Variants in CAMTA1 observed in about 807,000 individuals in gnomAD.
CAMTA1 encodes calmodulin binding transcription activator 1.
In CAMTA1, 27 loss-of-function variants were observed where a neutral mutation model predicts 170.9. That is an observed-to-expected ratio of 0.16 (90% CI 0.12 to 0.22). CAMTA1 has a LOEUF of 0.22. CAMTA1 is among the 10% of genes least tolerant of loss of function. CAMTA1 has a pLI of 1.00. For synonymous variants in CAMTA1, 833 were observed against 891.5 expected (o/e 0.93, Z 1.17); for missense variants, 1,619 against 2,217.2 (o/e 0.73, Z 5.42).
At chr1:7,317,592 C>T (rs1677717490) in intron 5 of CAMTA1, among the ~76,000 whole-genome samples, 1 of 152,200 alleles carries the variant, frequency 6.6e-6, no homozygotes, top group South Asian at 2.1e-4. Context: ...TGTCGGTGCT[C>T]TCTCAGTTGT....
intron 4 of CAMTA1, among the ~76,000 whole-genome samples, chr1:7,141,250 C>T (rs1464991401): frequency 6.6e-6 from 1 of 152,192 alleles, no homozygotes; most frequent in African/African-American, 2.4e-5. Context: ...CTCTTCCTGA[C>T]TTGCCAGGTG....
At chr1:7,141,825 A>C (rs1193776108) in intron 4 of CAMTA1, among the ~76,000 whole-genome samples, 1 of 152,218 alleles carries the variant, frequency 6.6e-6, no homozygotes, top group Non-Finnish European at 1.5e-5. Flanking sequence ...CAATGGTTAC[A>C]TGACTCCGAA....
intron 5 of CAMTA1, among the ~76,000 whole-genome samples, chr1:7,452,622 T>C (rs891365583): frequency 6.6e-6 from 1 of 152,184 alleles, no homozygotes; most frequent in Non-Finnish European, 1.5e-5. Context: ...AATCATACAA[T>C]GTGTGGCCTT....
At chr1:6,913,151 G>T (rs996656127) in intron 3 of CAMTA1, among the ~76,000 whole-genome samples, 1 of 152,204 alleles carries the variant, frequency 6.6e-6, no homozygotes, top group African/African-American at 2.4e-5. Context: ...GGGGACAAAA[G>T]GATGTGGAGG....
intron 1 of CAMTA1, among the ~76,000 whole-genome samples, chr1:6,804,045 A>G (rs1256951444): frequency 5.9e-5 from 9 of 152,132 alleles, no homozygotes; most frequent in Admixed American, 5.9e-4. Flanking sequence ...AAAGCTGGGC[A>G]TGGTGGCGGG....
chr1:7,316,084 G>A (rs1401708826), intron 5 of CAMTA1, among the ~76,000 whole-genome samples: 4 of 152,106 alleles, frequency 2.6e-5, no homozygotes, highest in African/African-American at 9.7e-5. Context: ...TTATAAAACC[G>A]TCAAATCTCA....
chr1:7,484,489 G>A (rs1055085266), intron 6 of CAMTA1, among the ~76,000 whole-genome samples: 1 of 152,180 alleles, frequency 6.6e-6, no homozygotes, highest in South Asian at 2.1e-4. Flanking sequence ...ACATAGACCA[G>A]CATTCAGATA....
intron 5 of CAMTA1, among the ~76,000 whole-genome samples, chr1:7,454,692 TCTC>T (rs1209740169): frequency 6.6e-6 from 1 of 151,856 alleles, no homozygotes; most frequent in Non-Finnish European, 1.5e-5. Flanking sequence ...TACTCAGCTC[TCTC>T]CTCCTGAGGG....
intron 1 of CAMTA1, among the ~76,000 whole-genome samples, chr1:6,801,730 G>A (rs1215513353): frequency 1.3e-5 from 2 of 151,614 alleles, no homozygotes; most frequent in African/African-American, 2.4e-5. Context: ...TAGTTATAAT[G>A]TCCTAACAGT....
At chr1:7,374,687 G>A (rs1217354625) in intron 5 of CAMTA1, among the ~76,000 whole-genome samples, 3 of 152,198 alleles carry the variant, frequency 2.0e-5, no homozygotes. Flanking sequence ...CCTGAGCAAT[G>A]GGCATGCACG....
At chr1:7,432,082 G>A (rs895051193) in intron 5 of CAMTA1, among the ~76,000 whole-genome samples, 6 of 152,192 alleles carry the variant, frequency 3.9e-5, no homozygotes, top group African/African-American at 1.2e-4. Context: ...GAAGATGATC[G>A]AACAACGCTG....
In CAMTA1 at chr1:6,918,651, G is replaced by C. The variant is rs1281250183; in HGVS notation, c.234+93441G>C. On this transcript the variant is annotated intron_variant, in intron 3 of 22. Transcript: ENST00000303635. The surrounding 1 kb of genome is among the most constrained non-coding windows in gnomAD (Gnocchi z 4.0). ...TCAGAACTTCCCCCGTGGGCCTCAG[G>C]CCCAGGATCGCTGCACATCTCTGCC... Among the ~76,000 whole-genome samples the C allele has an allele frequency of 6.6e-6, 1 of 152,206 alleles. No individual in the cohort carries two copies. Among genetic ancestry groups the C allele is most frequent in the African/African-American group, 2.4e-5 (1 of 41,454 alleles).
chr1:7,201,323 A>AC (rs780839282), intron 4 of CAMTA1, among the ~76,000 whole-genome samples: 35 of 152,166 alleles, frequency 2.3e-4, no homozygotes, highest in Non-Finnish European at 4.9e-4. Flanking sequence ...GCTATTATTA[A>AC]CCATGATGCT....
At chr1:6,988,421 A>C (rs1192013673) in intron 3 of CAMTA1, among the ~76,000 whole-genome samples, 1 of 152,192 alleles carries the variant, frequency 6.6e-6, no homozygotes, top group African/African-American at 2.4e-5. Flanking sequence ...GCAAATTAAC[A>C]ATCTGACTTA....
intron 1 of CAMTA1, among the ~76,000 whole-genome samples, chr1:6,810,730 G>A (rs551326300): frequency 4.6e-5 from 7 of 152,256 alleles, no homozygotes; most frequent in South Asian, 4.1e-4. Flanking sequence ...GCATGAACCC[G>A]GAGGCGGAGC....
intron 6 of CAMTA1, among the ~76,000 whole-genome samples, chr1:7,517,466 A>G (rs897821079): frequency 2.1e-4 from 32 of 152,214 alleles, no homozygotes; most frequent in Non-Finnish European, 1.5e-5. Context: ...CTGGCACAGA[A>G]CCTGGCATTT....
At chr1:6,917,629 G>C (rs1681104446) in intron 3 of CAMTA1, among the ~76,000 whole-genome samples, 5 of 152,092 alleles carry the variant, frequency 3.3e-5, no homozygotes, top group Admixed American at 3.3e-4. Flanking sequence ...CATGACCCAG[G>C]AGGAGCAGAG....
At chr1:6,824,838 G>A (rs1024502998) in intron 2 of CAMTA1, among the ~76,000 whole-genome samples, 4 of 152,130 alleles carry the variant, frequency 2.6e-5, no homozygotes, top group African/African-American at 9.7e-5. Context: ...GGCAGCTGCG[G>A]GGATTTTCCC....
In CAMTA1 at chr1:7,713,735, C is replaced by T. The variant is rs1216375749; in HGVS notation, c.2915-18713C>T. 5.3e-5 allele frequency among the ~76,000 whole-genome samples: 8 copies of T among 152,238 alleles called. No homozygotes were observed. The South Asian group carries it at 1.2e-3, about 24-fold the overall frequency. ...GCCGTGGCATGGTTCTTTGAGCCCC[C>T]TGAAATTGAATACAAGATCTTATAT... On this transcript the variant is annotated intron_variant, in intron 11 of 22. Coordinates refer to ENST00000303635, the MANE Select transcript of CAMTA1 (RefSeq NM_015215.4).
Sources: gnomAD v4.1 joint callset for allele counts (sites outside exome capture counted in the v4.1 genomes callset) on GRCh38, gnomAD v4.1.1 for gene constraint, Gnocchi (gnomAD v3.1) non-coding constraint, MANE v1.5 for transcripts, NCBI Gene and HGNC (gene_info 2026-07-23, HGNC 2026-07-21) for gene names.